The following ADAMTS12 variants were observed in gnomAD, a reference collection of about 807,000 sequenced individuals.
The protein encoded by ADAMTS12 is A disintegrin and metalloproteinase with thrombospondin motifs 12.
A neutral mutation model predicts 167.8 loss-of-function variants in ADAMTS12; 118 were observed. The observed-to-expected ratio is 0.70, with a 90% CI of 0.61 to 0.82. The LOEUF (loss-of-function observed/expected upper bound fraction) is 0.82, where lower values mean the gene tolerates loss of function less well. ADAMTS12 is among the 40% of genes least tolerant of loss of function. The probability of loss-of-function intolerance (pLI) is 0.00; values close to 1 mark genes in which losing one functional copy is unlikely to be tolerated. For synonymous variants in ADAMTS12, 704 were observed against 716.9 expected, an observed-to-expected ratio of 0.98 and a Z score of 0.29; for missense variants, 1,916 against 1,998.8, an observed-to-expected ratio of 0.96 and a Z score of 0.79.
At chr5:33,712,145 T>A (rs1298013843) in intron 3 of ADAMTS12, among the ~76,000 whole-genome samples, 1 of 152,154 alleles carries the variant, frequency 6.6e-6, no homozygotes, top group Non-Finnish European at 1.5e-5. Flanking sequence ...ACTTGATGCA[T>A]AAACCACATG....
intron 3 of ADAMTS12, 194 bp downstream of exon 3, chr5:33,751,210 G>C: frequency 1.5e-6 from 1 of 672,038 alleles, no homozygotes; most frequent in Non-Finnish European, 2.5e-6. Context: ...CAAGTGAAAG[G>C]GTTTATACAA....
intron 7 of ADAMTS12, among the ~76,000 whole-genome samples, chr5:33,656,923 T>C (rs536735472): frequency 6.6e-6 from 1 of 152,340 alleles, no homozygotes; most frequent in East Asian, 1.9e-4. Flanking sequence ...AGCTTCTCTA[T>C]CTCTGAATTT....
At chr5:33,615,275 C>CTG (rs947308413) in intron 15 of ADAMTS12, among the ~76,000 whole-genome samples, 84 of 152,328 alleles carry the variant, frequency 5.5e-4, no homozygotes, top group African/African-American at 1.9e-3. Context: ...TAACTTTAGA[C>CTG]TGTGGCTGGA....
intron 3 of ADAMTS12, among the ~76,000 whole-genome samples, chr5:33,727,204 G>A (rs1337845217): frequency 6.6e-6 from 1 of 152,088 alleles, no homozygotes; most frequent in Non-Finnish European, 1.5e-5. Flanking sequence ...GCTGCCGCTG[G>A]ACCTGTGTGT....
rs5867201 is a variant in ADAMTS12, at chr5:33,667,317, CAAAAAAAAAAA to C, written c.916-5288_916-5278del. Among the ~76,000 whole-genome samples, 12 of 78,366 alleles carry C rather than the reference CAAAAAAAAAAA, an allele frequency of 1.5e-4. No homozygotes were observed. In the Middle Eastern group the frequency reaches 0.02, roughly 129 times the overall value. The allele number at this position is 78,366 out of a possible 152,430, so 51.4% of individuals were successfully genotyped here. On this transcript the variant is annotated intron_variant, in intron 5 of 23. Coordinates refer to ENST00000504830, the MANE Select transcript of ADAMTS12 (RefSeq NM_030955.4). The stretch of plus-strand genomic sequence containing the variant: ...TGGGCAACAGAGTGAGACTCTGTCT[CAAAAAAAAAAA>C]AAAAAAAAAAAGATTTCTCGCTTAC...
intron 5 of ADAMTS12, among the ~76,000 whole-genome samples, chr5:33,670,608 G>A (rs1344021464): frequency 6.6e-6 from 1 of 152,170 alleles, no homozygotes; most frequent in African/African-American, 2.4e-5. Flanking sequence ...CTGGTATGGT[G>A]GTGGGTGTCT....
At chr5:33,790,782 CATATATATATAT>C (rs10622464) in intron 2 of ADAMTS12, among the ~76,000 whole-genome samples, 8 of 134,050 alleles carry the variant, frequency 6.0e-5, no homozygotes, top group African/African-American at 2.2e-4. Context: ...GACATACAAA[CATATATATATAT>C]ATATATATAT....
chr5:33,735,474 C>T (rs1458272592), intron 3 of ADAMTS12, among the ~76,000 whole-genome samples: 1 of 152,134 alleles, frequency 6.6e-6, no homozygotes, highest in Admixed American at 6.5e-5. Context: ...TATATGAGTA[C>T]TTATATACCC....
At chr5:33,679,789 T>A (rs1182498885) in intron 5 of ADAMTS12, among the ~76,000 whole-genome samples, 1 of 152,152 alleles carries the variant, frequency 6.6e-6, no homozygotes, top group Non-Finnish European at 1.5e-5. Flanking sequence ...CCACAAGGTG[T>A]GACATATGCC....
At chr5:33,830,974 C>T (rs1748275938) in intron 2 of ADAMTS12, among the ~76,000 whole-genome samples, 1 of 152,084 alleles carries the variant, frequency 6.6e-6, no homozygotes. Context: ...TGATTTGATG[C>T]TTTTGGTTCC....
At chr5:33,822,482 T>C (rs745903050) in intron 2 of ADAMTS12, among the ~76,000 whole-genome samples, 1 of 152,132 alleles carries the variant, frequency 6.6e-6, no homozygotes, top group Admixed American at 6.6e-5. Context: ...ACCTCTTTAA[T>C]CTCCATGGTG....
rs150286423 is a variant in ADAMTS12, at chr5:33,549,978, A to G, written c.4126-595T>C. On this transcript the variant is annotated intron_variant, in intron 20 of 23. Coordinates refer to ENST00000504830, the MANE Select transcript of ADAMTS12 (RefSeq NM_030955.4). ...GTGGTTTGACTCATGGGTGTGAGCA[A>G]ACACTGTCCTTGCCTCCACCGTCAC... Among the ~76,000 whole-genome samples the G allele has an allele frequency of 8.5e-5, 13 of 152,322 alleles. No individual in the cohort carries two copies. The East Asian group carries it at 2.3e-3, about 27-fold the overall frequency.
At chr5:33,851,029 G>A (rs1187256658) in intron 2 of ADAMTS12, among the ~76,000 whole-genome samples, 2 of 152,148 alleles carry the variant, frequency 1.3e-5, no homozygotes, top group Non-Finnish European at 2.9e-5. Flanking sequence ...ATAAACTTCA[G>A]GTCTCCCAAC....
rs1035383721 is a variant in ADAMTS12 at position 33,525,033 on chromosome 5, G to T, written c.*2155C>A. The T allele has an allele frequency of 6.6e-6, 1 of 152,162 alleles. No homozygotes were observed. Among genetic ancestry groups the T allele is most frequent in the African/African-American group, 2.4e-5 (1 of 41,440 alleles). 9.4% of individuals were successfully genotyped at this position (152,162 alleles called of 1,614,324 possible). On this transcript the variant is annotated 3_prime_UTR_variant, in exon 24 of 24. Coordinates refer to ENST00000504830, the MANE Select transcript of ADAMTS12 (RefSeq NM_030955.4). Reference sequence around the variant, plus strand: ...GTTTTGTAAGCCTGGTCATACCCAGGTCTCTGATGACACGTATTTGACCCT... The same window carrying T: ...GTTTTGTAAGCCTGGTCATACCCAGTTCTCTGATGACACGTATTTGACCCT...
chr5:33,525,974 T>C lies in ADAMTS12; in HGVS notation c.*1214A>G, dbSNP rs1415585308. 6.6e-6 allele frequency: 1 copy of C among 152,210 alleles called. No homozygotes were observed. The highest frequency in any genetic ancestry group is 1.9e-4 in the East Asian group (1 of 5,192). 9.4% of individuals were successfully genotyped at this position (152,210 alleles called of 1,614,324 possible). A position where few individuals can be genotyped will look rare whatever the true frequency, so the allele number is the denominator to read the frequency against. ...TCCAGAACAAGCATTCTAACTTTCA[T>C]TTCAGTTTCTTTGGACTCCCTGATT... On this transcript the variant is annotated 3_prime_UTR_variant, in exon 24 of 24. Transcript: ENST00000504830.
intron 1 of ADAMTS12, among the ~76,000 whole-genome samples, chr5:33,883,340 T>G (rs200377846): frequency 0.013 from 1,463 of 116,762 alleles, 16 homozygotes; most frequent in Middle Eastern, 0.097. Context: ...TTTTTTTTTT[T>G]TGTTTTTTTT....
chr5:33,748,702 CT>C (rs900299498), intron 3 of ADAMTS12, among the ~76,000 whole-genome samples: 14 of 152,108 alleles, frequency 9.2e-5, no homozygotes, highest in African/African-American at 2.4e-4. Context: ...TAAAGGTGAT[CT>C]TTTTTTCATA....
In ADAMTS12 at chr5:33,881,175, CCGTGCCACTGAG is replaced by C; in HGVS notation, c.421_432del (p.Leu141_Thr144del). 6.2e-7 allele frequency: 1 copy of C among 1,614,132 alleles called. No individual in the cohort carries two copies. Among genetic ancestry groups the C allele is most frequent in the Non-Finnish European group, 8.5e-7 (1 of 1,180,024 alleles). ...CCAACTCTGGTGCCCTGCTGTAGAA[CCGTGCCACTGAG>C]ATGGCAGAGGGGGGCAGAGGAAGCC... is the stretch of plus-strand genomic sequence containing the variant. On this transcript the variant is annotated inframe_deletion, in exon 2 of 24. Coordinates refer to ENST00000504830, the MANE Select transcript of ADAMTS12 (RefSeq NM_030955.4).
chr5:33,843,219 G>T (rs1748808928), intron 2 of ADAMTS12, among the ~76,000 whole-genome samples: 1 of 152,212 alleles, frequency 6.6e-6, no homozygotes, highest in South Asian at 2.1e-4. Flanking sequence ...ATCTGCATAG[G>T]CATGATACAT....
Sources: gnomAD v4.1 joint callset for allele counts (sites outside exome capture counted in the v4.1 genomes callset) on GRCh38, gnomAD v4.1.1 for gene constraint, MANE v1.5 for transcripts, NCBI Gene and HGNC (gene_info 2026-07-23, HGNC 2026-07-21) for gene names.